The following CCDC7 variants were observed in gnomAD, a reference collection of about 807,000 sequenced individuals.
The protein encoded by CCDC7 is coiled-coil domain-containing protein 7.
Under a neutral mutation model 196.9 loss-of-function variants are expected in CCDC7, and 183 were observed. The ratio of observed to expected loss-of-function variants is 0.93; its 90% CI spans 0.82 to 1.05. CCDC7 has a LOEUF of 1.05. Ranked by LOEUF, CCDC7 falls within the 50% of genes least tolerant of loss-of-function variation. CCDC7 has a pLI of 0.00. For synonymous variants in CCDC7, 525 were observed against 484.6 expected, an observed-to-expected ratio of 1.08 and a Z score of -1.10; for missense variants, 1,540 against 1,482.2, an observed-to-expected ratio of 1.04 and a Z score of -0.64.
intron 12 of CCDC7, 147 bp downstream of exon 13, chr10:32,543,532 C>A (rs2136154980): frequency 1.1e-6 from 1 of 880,900 alleles, no homozygotes; most frequent in Non-Finnish European, 1.5e-6. Context: ...TATAAGCATA[C>A]CAGTATATGA....
chr10:32,626,153 A>G (rs1389524463), intron 18 of CCDC7, among the ~76,000 whole-genome samples: 1 of 152,052 alleles, frequency 6.6e-6, no homozygotes, highest in African/African-American at 2.4e-5. Flanking sequence ...TACTGTTTTT[A>G]ATAGTTGATG....
chr10:32,808,066 A>G (rs1343074727), intron 30 of CCDC7, among the ~76,000 whole-genome samples: 1 of 152,010 alleles, frequency 6.6e-6, no homozygotes, highest in Non-Finnish European at 1.5e-5. Context: ...ACCACCACAC[A>G]GTTGGATGCA....
At chr10:32,632,585 A>C (rs1194273578) in intron 18 of CCDC7, among the ~76,000 whole-genome samples, 1 of 151,910 alleles carries the variant, frequency 6.6e-6, no homozygotes, top group East Asian at 1.9e-4. Flanking sequence ...GCAGCTGTAA[A>C]ATTCCTCTAA....
intron 16 of CCDC7, 91 bp from the exon 18 acceptor site, chr10:32,582,943 T>C: frequency 1.3e-6 from 1 of 744,376 alleles, no homozygotes; most frequent in Non-Finnish European, 1.8e-6. Flanking sequence ...CTTACTTATT[T>C]AATATCCTTA....
At chr10:32,707,823 G>C (rs1238482433) in intron 24 of CCDC7, among the ~76,000 whole-genome samples, 1 of 152,030 alleles carries the variant, frequency 6.6e-6, no homozygotes, top group Admixed American at 6.5e-5. Context: ...AATAAAAGAG[G>C]ATACAAACAA....
At chr10:32,589,723 T>A (rs1322776145) in intron 18 of CCDC7, among the ~76,000 whole-genome samples, 1 of 152,110 alleles carries the variant, frequency 6.6e-6, no homozygotes, top group East Asian at 1.9e-4. Context: ...TTATAAACTG[T>A]GGTGCTCCAG....
chr10:32,627,031 C>G (rs938902271), intron 18 of CCDC7, among the ~76,000 whole-genome samples: 1 of 53,948 alleles, frequency 1.9e-5, no homozygotes, highest in African/African-American at 4.6e-5. Flanking sequence ...CTTGGCTATT[C>G]AGGTTTTTTT....
chr10:32,479,387 C>G (rs1294231256), intron 8 of CCDC7, among the ~76,000 whole-genome samples: 1 of 151,990 alleles, frequency 6.6e-6, no homozygotes, highest in Non-Finnish European at 1.5e-5. Context: ...GAAGTACATT[C>G]CTTCTGTATC....
intron 33 of CCDC7, among the ~76,000 whole-genome samples, chr10:32,837,343 A>G (rs1463249616): frequency 1.3e-5 from 2 of 152,114 alleles, no homozygotes; most frequent in Non-Finnish European, 2.9e-5. Flanking sequence ...ATCACTGGCC[A>G]TCAGAGAAAT....
intron 18 of CCDC7, among the ~76,000 whole-genome samples, chr10:32,609,592 A>G (rs185682548): frequency 9.2e-4 from 140 of 152,268 alleles, no homozygotes; most frequent in African/African-American, 3.1e-3. Flanking sequence ...CTGTTGATAC[A>G]CAAGGGCTAA....
intron 16 of CCDC7, among the ~76,000 whole-genome samples, chr10:32,577,760 T>C (rs188512103): frequency 6.6e-6 from 1 of 152,308 alleles, no homozygotes; most frequent in Admixed American, 6.5e-5. Context: ...GTCTAAGGTC[T>C]AATTGATTGG....
At chr10:32,848,741 A>G in intron 39 of CCDC7, 23 bp downstream of exon 40, 1 of 1,462,848 alleles carries the variant, frequency 6.8e-7, no homozygotes. Flanking sequence ...GTATGTAGAT[A>G]TGAATTCAGT....
intron 20 of CCDC7, among the ~76,000 whole-genome samples, chr10:32,642,350 C>T (rs549069410): frequency 3.8e-4 from 58 of 152,312 alleles, no homozygotes; most frequent in African/African-American, 1.1e-3. Flanking sequence ...TTGGCAATGG[C>T]GGGCGCCCCT....
intron 17 of CCDC7, among the ~76,000 whole-genome samples, chr10:32,583,833 A>G (rs1009543859): frequency 1.3e-5 from 2 of 152,134 alleles, no homozygotes; most frequent in Non-Finnish European, 2.9e-5. Context: ...ATATATTTTT[A>G]TCATACATTT....
At chr10:32,758,984 C>CCATTCA (rs2076959029) in intron 28 of CCDC7, among the ~76,000 whole-genome samples, 1 of 152,098 alleles carries the variant, frequency 6.6e-6, no homozygotes, top group Admixed American at 6.5e-5. Context: ...GAGTGAACTC[C>CCATTCA]CATTCACAAT....
intron 21 of CCDC7, among the ~76,000 whole-genome samples, chr10:32,671,825 T>C (rs1056837456): frequency 2.0e-5 from 3 of 152,254 alleles, no homozygotes; most frequent in East Asian, 3.9e-4. Flanking sequence ...GTCACCTTTG[T>C]GTAGCTCTGG....
chr10:32,856,572 C>A (rs1237171352), intron 41 of CCDC7, among the ~76,000 whole-genome samples: 1 of 152,138 alleles, frequency 6.6e-6, no homozygotes, highest in East Asian at 1.9e-4. Flanking sequence ...CCCCCAGGGC[C>A]AAAGCCACAG....
intron 28 of CCDC7, among the ~76,000 whole-genome samples, chr10:32,761,925 C>G (rs993494734): frequency 2.6e-5 from 4 of 151,926 alleles, no homozygotes; most frequent in Non-Finnish European, 5.9e-5. Flanking sequence ...TTACTTTTCT[C>G]TCTCCCACAG....
At position 32,657,235 on chromosome 10, in the gene CCDC7, C is replaced by A. The variant is rs144425438; in HGVS notation, c.2015-6819C>A. On this transcript the variant is annotated intron_variant, in intron 20 of 41. Transcript: ENST00000639629. ...TTCTGGGGTCTGGAGGACAGTGGCC[C>A]TCTTCTCACAGCTCTACTAGGCAGT... Among the ~76,000 whole-genome samples the A allele has an allele frequency of 7.9e-3, 1,204 of 152,310 alleles. 7 individuals carry two copies. The highest frequency in any genetic ancestry group is 0.02 in the Middle Eastern group (6 of 294).
Sources: allele counts gnomAD v4.1 joint callset (sites outside exome capture counted in the v4.1 genomes callset), GRCh38; gene constraint gnomAD v4.1.1; transcripts MANE v1.5; gene names NCBI Gene and HGNC (gene_info 2026-07-23, HGNC 2026-07-21).